RBFOX1: variants seen among roughly 807,000 people sequenced by gnomAD.
RBFOX1 encodes the protein RNA binding fox-1 homolog 1.
A neutral mutation model predicts 57.7 loss-of-function variants in RBFOX1; 8 were observed. The ratio of observed to expected loss-of-function variants is 0.14; its 90% CI spans 0.08 to 0.25. RBFOX1 has a LOEUF of 0.25. Ranked by LOEUF, RBFOX1 falls within the 10% of genes least tolerant of loss-of-function variation. RBFOX1 has a pLI of 1.00. For missense variants in RBFOX1, 611 were observed against 548.5 expected (o/e 1.11, Z -1.14); for synonymous variants, 326 against 222.4 (o/e 1.47, Z -4.15).
intron 1 of RBFOX1, among the ~76,000 whole-genome samples, chr16:6,230,997 A>G (rs1007473860): frequency 6.6e-6 from 1 of 152,198 alleles, no homozygotes; most frequent in East Asian, 1.9e-4. Context: ...GTGAACCAGT[A>G]AACTGTTACA....
chr16:7,538,251 C>T (rs947245268), intron 5 of RBFOX1, among the ~76,000 whole-genome samples: 2 of 152,120 alleles, frequency 1.3e-5, no homozygotes, highest in African/African-American at 2.4e-5. Flanking sequence ...TTCATGAGTC[C>T]TTCCGCCATC....
intron 3 of RBFOX1, among the ~76,000 whole-genome samples, chr16:6,740,992 T>C (rs1454193984): frequency 6.6e-6 from 1 of 152,142 alleles, no homozygotes; most frequent in Non-Finnish European, 1.5e-5. Context: ...CCAGTCATCA[T>C]CGCTATGTGG....
Position 7,372,312 on chromosome 16 carries a change from C to T in RBFOX1, c.28-145835C>T, listed in dbSNP as rs555732526. Among the ~76,000 whole-genome samples the T allele has an allele frequency of 2.0e-5, 3 of 152,304 alleles. No homozygotes were observed. In the East Asian group the frequency reaches 5.8e-4, roughly 30 times the overall value. ...GCGGGATCATGTCGGTACTAGCAGG[C>T]TCTAAAGGACACAGTGTTCACCCTG... On this transcript the variant is annotated intron_variant, in intron 4 of 15. Transcript: ENST00000550418.
At chr16:7,142,470 C>T (rs935691882) in intron 4 of RBFOX1, among the ~76,000 whole-genome samples, 1 of 152,120 alleles carries the variant, frequency 6.6e-6, no homozygotes, top group Non-Finnish European at 1.5e-5. Context: ...CTGAGAGTCC[C>T]TGGAACAATT....
At chr16:7,543,831 C>G (rs539510574) in intron 5 of RBFOX1, among the ~76,000 whole-genome samples, 12 of 152,206 alleles carry the variant, frequency 7.9e-5, no homozygotes, top group African/African-American at 2.6e-4. Context: ...AGTGATTCTC[C>G]TGCCTCACTC....
At chr16:6,319,991 T>C (rs893986048) in intron 2 of RBFOX1, among the ~76,000 whole-genome samples, 1 of 152,196 alleles carries the variant, frequency 6.6e-6, no homozygotes, top group Non-Finnish European at 1.5e-5. Context: ...TAGGAATATT[T>C]TTTTTTCACC....
At chr16:5,299,343 G>T (rs28431973) in intron 1 of RBFOX1, among the ~76,000 whole-genome samples, 6 of 152,090 alleles carry the variant, frequency 3.9e-5, no homozygotes, top group Admixed American at 1.3e-4. Flanking sequence ...TTATCTACCA[G>T]TGGATAGACA....
At chr16:5,469,771 T>G (rs2069073032) in intron 2 of RBFOX1, among the ~76,000 whole-genome samples, 1 of 152,254 alleles carries the variant, frequency 6.6e-6, no homozygotes, top group African/African-American at 2.4e-5. Context: ...TATGTGGTCT[T>G]CCGTATCTGG....
At chr16:5,458,678 G>C (rs188692477) in intron 1 of RBFOX1, among the ~76,000 whole-genome samples, 523 of 152,286 alleles carry the variant, frequency 3.4e-3, no homozygotes, top group Non-Finnish European at 6.0e-3. Flanking sequence ...ATCCAAATAG[G>C]CAACTGGGTT....
At chr16:7,584,966 G>C (rs1375029433) in intron 6 of RBFOX1, among the ~76,000 whole-genome samples, 1 of 152,180 alleles carries the variant, frequency 6.6e-6, no homozygotes, top group Non-Finnish European at 1.5e-5. Context: ...CAAGATTGCT[G>C]TTTGATTGGT....
intron 4 of RBFOX1, among the ~76,000 whole-genome samples, chr16:7,163,341 G>C (rs1567525450): frequency 6.6e-6 from 1 of 152,138 alleles, no homozygotes; most frequent in Non-Finnish European, 1.5e-5. Flanking sequence ...TATCAATCCA[G>C]AGCAAAGAGG....
intron 3 of RBFOX1, among the ~76,000 whole-genome samples, chr16:6,819,519 C>T (rs1191805185): frequency 1.3e-5 from 2 of 151,938 alleles, no homozygotes; most frequent in South Asian, 4.2e-4. Flanking sequence ...GCCTGACCAG[C>T]ATGGAGAAAA....
intron 3 of RBFOX1, among the ~76,000 whole-genome samples, chr16:6,906,381 CAT>C (rs2153422907): frequency 6.6e-6 from 1 of 152,056 alleles, no homozygotes; most frequent in African/African-American, 2.4e-5. Flanking sequence ...CACCGAAACT[CAT>C]AAAAAATACA....
At chr16:6,899,907 C>G (rs1051951088) in intron 3 of RBFOX1, among the ~76,000 whole-genome samples, 1 of 152,108 alleles carries the variant, frequency 6.6e-6, no homozygotes, top group Non-Finnish European at 1.5e-5. Context: ...TTTTTTTGCC[C>G]ATGTTCTGAC....
At chr16:6,693,759 C>G (rs201994058) in intron 3 of RBFOX1, among the ~76,000 whole-genome samples, 2 of 151,996 alleles carry the variant, frequency 1.3e-5, no homozygotes, top group Non-Finnish European at 2.9e-5. Context: ...AACATCACCA[C>G]CATCATTAGC....
At chr16:7,449,011 C>T (rs1352024500) in intron 4 of RBFOX1, among the ~76,000 whole-genome samples, 2 of 149,264 alleles carry the variant, frequency 1.3e-5, no homozygotes, top group East Asian at 2.0e-4. Flanking sequence ...CTCACCACAA[C>T]CTCCACCTCC....
chr16:6,825,496 G>C (rs947604318), intron 3 of RBFOX1, among the ~76,000 whole-genome samples: 1 of 152,160 alleles, frequency 6.6e-6, no homozygotes, highest in Non-Finnish European at 1.5e-5. Context: ...CAAACAAGCT[G>C]AGAACACAAA....
chr16:6,827,554 G>A (rs750281636), intron 3 of RBFOX1, among the ~76,000 whole-genome samples: 5 of 152,122 alleles, frequency 3.3e-5, no homozygotes, highest in Non-Finnish European at 4.4e-5. Flanking sequence ...GTTCTCCAGC[G>A]CTTTCAAAAT....
At chr16:5,453,373 T>A (rs1304277063) in intron 1 of RBFOX1, among the ~76,000 whole-genome samples, 1 of 152,166 alleles carries the variant, frequency 6.6e-6, no homozygotes, top group Non-Finnish European at 1.5e-5. Flanking sequence ...ATTAAAGATC[T>A]TAGATTCAAC....
Sources: gnomAD v4.1 joint callset for allele counts (sites outside exome capture counted in the v4.1 genomes callset) on GRCh38, gnomAD v4.1.1 for gene constraint, MANE v1.5 for transcripts, NCBI Gene and HGNC (gene_info 2026-07-23, HGNC 2026-07-21) for gene names.